The following KHDRBS2 variants were observed in gnomAD, a reference collection of about 807,000 sequenced individuals.
The protein encoded by KHDRBS2 is KH domain-containing, RNA-binding, signal transduction-associated protein 2.
In KHDRBS2, 26 loss-of-function variants were observed where a neutral mutation model predicts 44.3. The ratio of observed to expected loss-of-function variants is 0.59; its 90% CI spans 0.43 to 0.81. The LOEUF is 0.81. Among genes scored for constraint, KHDRBS2 ranks in the 40% least tolerant of loss-of-function variants. The pLI is 0.00. For synonymous variants in KHDRBS2, 194 were observed against 151.1 expected (o/e 1.28, Z -2.08); for missense variants, 476 against 433.1 (o/e 1.10, Z -0.88).
At chr6:61,974,783 T>C (rs1029163955) in intron 4 of KHDRBS2, among the ~76,000 whole-genome samples, 3 of 151,494 alleles carry the variant, frequency 2.0e-5, no homozygotes, top group Non-Finnish European at 4.4e-5. Flanking sequence ...ATACAAAAAT[T>C]AGCTGGGCAT....
At position 62,240,686 on chromosome 6, in the gene KHDRBS2, A is replaced by G. The variant is rs1192441369; in HGVS notation, c.91+45172T>C. Among the ~76,000 whole-genome samples the G allele has an allele frequency of 2.8e-3, 340 of 120,150 alleles. 6 individuals carry two copies. Among genetic ancestry groups the G allele is most frequent in the Middle Eastern group, 4.2e-3 (1 of 236 alleles). 78.8% of individuals were successfully genotyped at this position (120,150 alleles called of 152,430 possible). A position where few individuals can be genotyped will look rare whatever the true frequency, so the allele number is the denominator to read the frequency against. ...TATGTGTGTGTGTATATATATATAT[A>G]TATATATATATATATATATATATAT... On this transcript the variant is annotated intron_variant, in intron 1 of 8. Coordinates refer to ENST00000281156, the MANE Select transcript of KHDRBS2 (RefSeq NM_152688.4).
intron 1 of KHDRBS2, among the ~76,000 whole-genome samples, chr6:62,216,906 AG>A (rs1384365720): frequency 6.6e-6 from 1 of 151,138 alleles, no homozygotes; most frequent in Non-Finnish European, 1.5e-5. Context: ...TATTAAAATC[AG>A]GGACTCAACA....
chr6:61,715,841 G>GA (rs1201950188), intron 7 of KHDRBS2, among the ~76,000 whole-genome samples: 2 of 151,120 alleles, frequency 1.3e-5, no homozygotes, highest in Non-Finnish European at 3.0e-5. Context: ...ACAGAATTTA[G>GA]AAAATCAGGA....
At chr6:62,135,936 C>T (rs964137838) in intron 2 of KHDRBS2, among the ~76,000 whole-genome samples, 11 of 151,068 alleles carry the variant, frequency 7.3e-5, no homozygotes, top group African/African-American at 1.2e-4. Context: ...TCAAAGGGCA[C>T]GAAGATGTAG....
At chr6:61,845,392 C>T (rs1249055743) in intron 6 of KHDRBS2, among the ~76,000 whole-genome samples, 1 of 151,428 alleles carries the variant, frequency 6.6e-6, no homozygotes, top group African/African-American at 2.4e-5. Flanking sequence ...TCACTGCAAC[C>T]TCCGCCTCCC....
chr6:61,892,217 G>T (rs200395001), intron 6 of KHDRBS2, among the ~76,000 whole-genome samples: 10,212 of 152,078 alleles, frequency 0.067, 406 homozygotes, highest in Middle Eastern at 0.13. Context: ...CCTCTTCAAG[G>T]AGAACTACAA....
intron 4 of KHDRBS2, among the ~76,000 whole-genome samples, chr6:61,938,846 T>C (rs1300408089): frequency 6.6e-6 from 1 of 151,896 alleles, no homozygotes; most frequent in Non-Finnish European, 1.5e-5. Flanking sequence ...GGTTCTATAG[T>C]TTCTGGCTGG....
At chr6:61,565,538 C>A in the KHDRBS2 span, among the ~76,000 whole-genome samples, 1,916 of 152,134 alleles carry the variant, frequency 0.013, 22 homozygotes, top group Non-Finnish European at 0.021. Flanking sequence ...AGAAGACATA[C>A]AAATAGCCAA....
intron 1 of KHDRBS2, among the ~76,000 whole-genome samples, chr6:62,195,622 C>T (rs1825519057): frequency 6.6e-6 from 1 of 152,078 alleles, no homozygotes; most frequent in Non-Finnish European, 1.5e-5. Context: ...CACTCAGAGA[C>T]TCTTTTCTGA....
rs560440751 is a variant in KHDRBS2 at position 61,818,005 on chromosome 6, A to G, written c.810+76630T>C. On this transcript the variant is annotated intron_variant, in intron 6 of 8. Coordinates refer to ENST00000281156, the MANE Select transcript of KHDRBS2 (RefSeq NM_152688.4). ...TAAAGTCATTAAATATTTTTAGCAC[A>G]TTGTCCACATCTCCCGTCTTAAAAC... 3.3e-5 allele frequency among the ~76,000 whole-genome samples: 5 copies of G among 152,058 alleles called. No homozygotes were observed. In the South Asian group the frequency reaches 1.0e-3, roughly 32 times the overall value.
At chr6:61,725,870 G>T (rs1176946360) in intron 7 of KHDRBS2, among the ~76,000 whole-genome samples, 1 of 152,010 alleles carries the variant, frequency 6.6e-6, no homozygotes, top group South Asian at 2.1e-4. Flanking sequence ...TTCTACCAGA[G>T]GTACAAAGAT....
the KHDRBS2 span, among the ~76,000 whole-genome samples, chr6:61,661,027 G>C: frequency 8.6e-5 from 13 of 151,760 alleles, no homozygotes; most frequent in Non-Finnish European, 1.6e-4. Context: ...CTCATGTTCT[G>C]ATGAATAAGA....
chr6:61,624,772 C>T, the KHDRBS2 span, among the ~76,000 whole-genome samples: 1 of 152,030 alleles, frequency 6.6e-6, no homozygotes, highest in African/African-American at 2.4e-5. Flanking sequence ...TACGCTAAGT[C>T]AGAGGTCTAA....
intron 3 of KHDRBS2, among the ~76,000 whole-genome samples, chr6:62,010,026 T>A (rs1209850943): frequency 6.6e-6 from 1 of 151,950 alleles, no homozygotes; most frequent in Non-Finnish European, 1.5e-5. Flanking sequence ...GAATGGTAGG[T>A]CCATTGACAG....
At chr6:61,675,395 A>G (rs556979505), downstream of KHDRBS2, among the ~76,000 whole-genome samples, 2 of 151,758 alleles carry the variant, frequency 1.3e-5, no homozygotes, top group Non-Finnish European at 2.9e-5. Context: ...TCACAGTTCT[A>G]TTAATACGGT....
chr6:61,580,330 A>C, the KHDRBS2 span, among the ~76,000 whole-genome samples: 1 of 152,152 alleles, frequency 6.6e-6, no homozygotes, highest in Non-Finnish European at 1.5e-5. Flanking sequence ...TAGCTAAAGG[A>C]TTGTAAAGGC....
chr6:62,155,917 G>GA lies in KHDRBS2; in HGVS notation c.219+21267dup, dbSNP rs1375040171. ...TCTGTCCTGCTGGTGTATTTTAGGGGAAAAATCCCATCATAATTTCAGAGT... is the reference window on the plus strand; with the variant it reads ...TCTGTCCTGCTGGTGTATTTTAGGGGAAAAAATCCCATCATAATTTCAGAGT... On this transcript the variant is annotated intron_variant, in intron 2 of 8. Transcript: ENST00000281156. Among the ~76,000 whole-genome samples the GA allele has an allele frequency of 7.2e-5, 11 of 152,204 alleles. No individual in the cohort carries two copies. In the East Asian group the frequency reaches 1.9e-3, roughly 27 times the overall value.
intron 3 of KHDRBS2, among the ~76,000 whole-genome samples, chr6:62,042,997 C>G (rs1277873970): frequency 6.6e-6 from 1 of 152,086 alleles, no homozygotes; most frequent in Non-Finnish European, 1.5e-5. Context: ...AATTTGTTCA[C>G]AACATGTCCA....
the KHDRBS2 span, among the ~76,000 whole-genome samples, chr6:61,577,481 A>C: frequency 0.8 from 122,171 of 152,052 alleles, 49,530 homozygotes; most frequent in African/African-American, 0.9. Flanking sequence ...AAATTGCACC[A>C]TCTCCAATCT....
Sources: gnomAD v4.1 joint callset for allele counts (sites outside exome capture counted in the v4.1 genomes callset) on GRCh38, gnomAD v4.1.1 for gene constraint, MANE v1.5 for transcripts, NCBI Gene and HGNC (gene_info 2026-07-23, HGNC 2026-07-21) for gene names.